The following TRRAP variants were observed in gnomAD, a reference collection of about 807,000 sequenced individuals.
TRRAP encodes the protein transformation/transcription domain associated protein, also known as transformation/transcription domain-associated protein.
In TRRAP, 41 loss-of-function variants were observed where a neutral mutation model predicts 438.8. The observed-to-expected ratio is 0.09, with a 90% CI of 0.07 to 0.12. The LOEUF (loss-of-function observed/expected upper bound fraction) is 0.12. TRRAP is among the 10% of genes least tolerant of loss of function. TRRAP has a pLI of 1.00. For synonymous variants in TRRAP, 1,994 were observed against 1,962.9 expected (o/e 1.02, Z -0.42); for missense variants, 3,122 against 5,055.1 (o/e 0.62, Z 11.60).
At chr7:98,962,247 C>A in intron 46 of TRRAP, 55 bp from the exon 47 acceptor site, 1 of 1,612,020 alleles carries the variant, frequency 6.2e-7, no homozygotes. Context: ...CTGGCATCAG[C>A]ACTGGTGGGC....
intron 58 of TRRAP, among the ~76,000 whole-genome samples, chr7:98,979,165 T>C (rs1011675973): frequency 6.6e-6 from 1 of 152,220 alleles, no homozygotes; most frequent in Non-Finnish European, 1.5e-5. Flanking sequence ...GACTTCTGGT[T>C]TGGGACCTGG....
chr7:98,982,231 G>A (rs899311966), intron 59 of TRRAP, among the ~76,000 whole-genome samples: 1 of 152,182 alleles, frequency 6.6e-6, no homozygotes, highest in Non-Finnish European at 1.5e-5. Context: ...AGTGCCCACT[G>A]TGCCACCCTC....
At chr7:98,931,712 G>T (rs781922481) in intron 26 of TRRAP, 47 bp downstream of exon 26, 11 of 1,585,768 alleles carry the variant, frequency 6.9e-6, no homozygotes, top group Non-Finnish European at 9.4e-6. Flanking sequence ...CAAAACTTTT[G>T]AGCCTTTTTT....
At chr7:98,983,185 C>A in intron 59 of TRRAP, 79 bp from the exon 60 acceptor site, 1 of 1,323,700 alleles carries the variant, frequency 7.6e-7, no homozygotes. Context: ...TAATCATGTC[C>A]CCAATGGACT....
intron 19 of TRRAP, among the ~76,000 whole-genome samples, chr7:98,916,226 G>A (rs1229779206): frequency 6.6e-6 from 1 of 152,158 alleles, no homozygotes; most frequent in Non-Finnish European, 1.5e-5. Flanking sequence ...TAAGATCAGA[G>A]ATCCCTAGAC....
Position 98,889,253 on chromosome 7 carries a change from C to T in TRRAP, c.151-1082C>T, listed in dbSNP as rs993377995. On this transcript the variant is annotated intron_variant, in intron 3 of 72. Transcript: ENST00000456197. ...ATAATACCTATCTTAGAGATAATACCCATCTCAGACTAAATGAGAAAGACT... is the reference window on the plus strand; with the variant it reads ...ATAATACCTATCTTAGAGATAATACTCATCTCAGACTAAATGAGAAAGACT... Among the ~76,000 whole-genome samples the T allele has an allele frequency of 2.0e-5, 3 of 151,838 alleles. No homozygotes were observed. In the South Asian group the frequency reaches 6.2e-4, roughly 32 times the overall value.
At chr7:98,922,779 C>T (rs951467981) in intron 21 of TRRAP, among the ~76,000 whole-genome samples, 1 of 151,954 alleles carries the variant, frequency 6.6e-6, no homozygotes, top group Admixed American at 6.6e-5. Context: ...TGATCTTCAG[C>T]CAGCATCGTG....
At chr7:98,955,389 C>T in intron 41 of TRRAP, 85 bp downstream of exon 41, 1 of 1,384,942 alleles carries the variant, frequency 7.2e-7, no homozygotes, top group South Asian at 1.4e-5. Context: ...CTGCAATAAT[C>T]AGGTGGTCGT....
Position 99,011,097 on chromosome 7 carries a change from C to T in TRRAP, c.10984C>T (p.Arg3662Cys), listed in dbSNP as rs1262655531. The T allele has an allele frequency of 3.7e-6, 6 of 1,614,046 alleles. No individual in the cohort carries two copies. The highest frequency in any genetic ancestry group is 1.7e-5 in the Admixed American group (1 of 60,006). Residue 3662 changes from arginine (R) to cysteine (C), a missense_variant, in exon 71 of 73, where the codon CGC becomes TGC. By Grantham distance (180) the Arg-to-Cys change is radical. Around this residue, in one of 24 missense-constraint regions of TRRAP, gnomAD observed 192 missense variants for 355.6 expected, o/e 0.54. Coordinates refer to ENST00000456197, the MANE Select transcript of TRRAP (RefSeq NM_001375524.1). This position sits in a 1 kb window ranked among gnomAD's most constrained non-coding sequence, Gnocchi z 7.1. ...LKEVQSNMVP[R>C]SMLKEWALHT... ...GGAGGTTCAGAGTAACATGGTGCCGCGCAGCATGCTCAAGGAGTGGGCGCT... is the reference window on the plus strand; with the variant it reads ...GGAGGTTCAGAGTAACATGGTGCCGTGCAGCATGCTCAAGGAGTGGGCGCT...
Position 99,011,327 on chromosome 7 carries a change from C to T in TRRAP, c.11143-14C>T, listed in dbSNP as rs1794416876. ...TCTGCTGAAGTTCCTAAAGTGTCTC[C>T]TTCTGAAATTTAGGACACTGGCAAA... is the stretch of plus-strand genomic sequence containing the variant. On this transcript the variant is annotated splice_polypyrimidine_tract_variant and intron_variant, in intron 71 of 72. Coordinates refer to ENST00000456197, the MANE Select transcript of TRRAP (RefSeq NM_001375524.1). The surrounding 1 kb of genome is among the most constrained non-coding windows in gnomAD (Gnocchi z 7.1). 2 of 1,613,294 alleles carry T rather than the reference C, an allele frequency of 1.2e-6. No individual in the cohort carries two copies.
intron 53 of TRRAP, among the ~76,000 whole-genome samples, chr7:98,972,339 G>T (rs1208318331): frequency 6.6e-6 from 1 of 152,212 alleles, no homozygotes; most frequent in Non-Finnish European, 1.5e-5. Flanking sequence ...CAGAGATTTG[G>T]AGTGTCACAG....
rs1793550251 is a variant in TRRAP, at chr7:98,994,267, G to T, written c.10048-320G>T. The stretch of plus-strand genomic sequence containing the variant: ...TGCACGCAGACACGCGGTGGGAACA[G>T]TACAGCTGCCTGAAAATGCAGGGGT... On this transcript the variant is annotated intron_variant, in intron 66 of 72. Coordinates refer to ENST00000456197, the MANE Select transcript of TRRAP (RefSeq NM_001375524.1). This position sits in a 1 kb window ranked among gnomAD's most constrained non-coding sequence, Gnocchi z 4.8. 6.6e-6 allele frequency among the ~76,000 whole-genome samples: 1 copy of T among 152,244 alleles called. No homozygotes were observed. The highest frequency in any genetic ancestry group is 6.5e-5 in the Admixed American group (1 of 15,288).
rs1791589703 is a variant in TRRAP, at chr7:98,956,103, C to T, written c.5938-43C>T. 6.7e-7 allele frequency: 1 copy of T among 1,483,400 alleles called. No homozygotes were observed. The allele number at this position is 1,483,400 out of a possible 1,614,324, so 91.9% of individuals were successfully genotyped here. A position where few individuals can be genotyped will look rare whatever the true frequency, so the allele number is the denominator to read the frequency against. ...CGCACACGTGCATGCACTGTGGGACCAAGCTCCCATGTTCCGGCGTGATGC... is the reference window on the plus strand; with the variant it reads ...CGCACACGTGCATGCACTGTGGGACTAAGCTCCCATGTTCCGGCGTGATGC... On this transcript the variant is annotated intron_variant, in intron 41 of 72. Coordinates refer to ENST00000456197, the MANE Select transcript of TRRAP (RefSeq NM_001375524.1). This position sits in a 1 kb window ranked among gnomAD's most constrained non-coding sequence, Gnocchi z 4.5.
chr7:98,964,926 T>G, intron 48 of TRRAP, 151 bp downstream of exon 48: 1 of 1,063,158 alleles, frequency 9.4e-7, no homozygotes, highest in Non-Finnish European at 1.3e-6. Flanking sequence ...CTCTTCAATG[T>G]AGGGGTTTAA....
intron 5 of TRRAP, 111 bp downstream of exon 5, chr7:98,892,639 C>A: frequency 2.2e-6 from 2 of 912,354 alleles, no homozygotes; most frequent in Non-Finnish European, 1.6e-6. Context: ...TCCCAAATTC[C>A]AAGTCACATG....
At chr7:98,962,637 C>G (rs1452509435) in intron 47 of TRRAP, among the ~76,000 whole-genome samples, 2 of 152,256 alleles carry the variant, frequency 1.3e-5, no homozygotes, top group Non-Finnish European at 2.9e-5. Flanking sequence ...TGTGCTCCCT[C>G]CTCAGCTTCC....
chr7:98,994,496 C>T lies in TRRAP; in HGVS notation c.10048-91C>T. Reference sequence around the variant, plus strand: ...CGGGGAGTGCAGAGATGACCCTGGGCTGGGAGGGCCGCACTCAATAGGCGC... The same window carrying T: ...CGGGGAGTGCAGAGATGACCCTGGGTTGGGAGGGCCGCACTCAATAGGCGC... On this transcript the variant is annotated intron_variant, in intron 66 of 72. Transcript: ENST00000456197. This position sits in a 1 kb window ranked among gnomAD's most constrained non-coding sequence, Gnocchi z 4.8. 5.1e-6 allele frequency: 8 copies of T among 1,557,936 alleles called. No homozygotes were observed. Among genetic ancestry groups the T allele is most frequent in the Non-Finnish European group, 7.0e-6 (8 of 1,145,790 alleles).
intron 51 of TRRAP, 55 bp downstream of exon 51, chr7:98,967,753 TG>T: frequency 6.5e-7 from 1 of 1,549,740 alleles, no homozygotes; most frequent in Middle Eastern, 2.1e-4. Flanking sequence ...TTTTCTGAGT[TG>T]GGGCTCCAAA....
chr7:99,004,120 G>C (rs183715265), intron 67 of TRRAP, 70 bp from the exon 68 acceptor site: 20 of 1,392,300 alleles, frequency 1.4e-5, no homozygotes, highest in Non-Finnish European at 2.0e-5. Flanking sequence ...AGGGGCTTGA[G>C]CGTTTTTTGC....
Sources: gnomAD v4.1 joint callset for allele counts (sites outside exome capture counted in the v4.1 genomes callset) on GRCh38, gnomAD v4.1.1 for gene constraint, gnomAD v4.1.1 regional missense constraint, Gnocchi (gnomAD v3.1) non-coding constraint, MANE v1.5 for transcripts, NCBI Gene and HGNC (gene_info 2026-07-23, HGNC 2026-07-21) for gene names.